The following H4C11 variants were observed in gnomAD, a reference collection of about 807,000 sequenced individuals.
The protein encoded by H4C11 is H4 clustered histone 11.
A neutral mutation model predicts 4.2 loss-of-function variants in H4C11; 1 was observed. That is an observed-to-expected ratio of 0.24 (90% CI 0.09 to 1.14). The LOEUF (loss-of-function observed/expected upper bound fraction) is 1.14, where lower values mean the gene tolerates loss of function less well. H4C11 is among the 50% of genes most tolerant of loss of function. H4C11 has a pLI of 0.52. For missense variants in H4C11, 73 were observed against 157.7 expected, an observed-to-expected ratio of 0.46 and a Z score of 2.88; for synonymous variants, 95 against 66.9, an observed-to-expected ratio of 1.42 and a Z score of -2.05.
chr6:27,824,454 T>C lies in H4C11; in HGVS notation c.*18T>C, dbSNP rs2277104. The C allele has an allele frequency of 0.016, 26,463 of 1,606,996 alleles. 651 individuals carry two copies. The highest frequency in any genetic ancestry group is 0.087 in the East Asian group (3,882 of 44,768). On this transcript the variant is annotated 3_prime_UTR_variant, in exon 1 of 1. Transcript: ENST00000355057. ...GTGGTTGAGCGTCCCTTTCTATCAA[T>C]AAAAGGCCCTTTTCAGGGCCACCCT...
chr6:27,824,385 G>C lies in H4C11; in HGVS notation c.261G>C (p.Val87=). ...GCAAGACGGTCACCGCCATGGATGT[G>C]GTCTACGCGCTCAAGCGCCAGGGCC... ...AKRKTVTAMD[V]VYALKRQGRT... Residue 87 remains valine, a synonymous_variant, in exon 1 of 1, where the codon GTG becomes GTC. Transcript: ENST00000355057. The C allele has an allele frequency of 1.3e-6, 2 of 1,545,830 alleles. No homozygotes were observed. The highest frequency in any genetic ancestry group is 1.7e-6 in the Non-Finnish European group (2 of 1,154,782).
Position 27,824,178 on chromosome 6 carries a change from C to T in H4C11, c.54C>T (p.Arg18=), listed in dbSNP as rs751583500. 7 of 1,517,230 alleles carry T rather than the reference C, an allele frequency of 4.6e-6. No individual in the cohort carries two copies. Among genetic ancestry groups the T allele is most frequent in the South Asian group, 1.3e-5 (1 of 75,066 alleles). The allele number at this position is 1,517,230 out of a possible 1,614,324, so 94.0% of individuals were successfully genotyped here. A position where few individuals can be genotyped will look rare whatever the true frequency, so the allele number is the denominator to read the frequency against. ...GTCTTGGCAAAGGCGGCGCTAAGCGCCACCGTAAAGTACTGCGCGACAATA... is the reference window on the plus strand; with the variant it reads ...GTCTTGGCAAAGGCGGCGCTAAGCGTCACCGTAAAGTACTGCGCGACAATA... ...GKGLGKGGAK[R]HRKVLRDNIQ... The change falls in exon 1 of 1, where the codon CGC becomes CGT. Residue 18 remains arginine (R), a synonymous_variant. Coordinates refer to ENST00000355057, the MANE Select transcript of H4C11 (RefSeq NM_021968.4).
rs201140587 is a variant in H4C11 at position 27,824,169 on chromosome 6, C to G, written c.45C>G (p.Gly15=). 2.0e-6 allele frequency: 3 copies of G among 1,515,300 alleles called. No homozygotes were observed. The highest frequency in any genetic ancestry group is 2.8e-5 in the African/African-American group (2 of 70,918). The allele number at this position is 1,515,300 out of a possible 1,614,324, so 93.9% of individuals were successfully genotyped here. The change falls in exon 1 of 1, where the codon GGC becomes GGG. Residue 15 remains glycine (G), a synonymous_variant. Transcript: ENST00000355057. ...GCGGGAAGGGTCTTGGCAAAGGCGGCGCTAAGCGCCACCGTAAAGTACTGC... is the reference window on the plus strand; with the variant it reads ...GCGGGAAGGGTCTTGGCAAAGGCGGGGCTAAGCGCCACCGTAAAGTACTGC... ...GKGGKGLGKG[G]AKRHRKVLRD...
At position 27,824,175 on chromosome 6, in the gene H4C11, G is replaced by A. The variant is rs764287610; in HGVS notation, c.51G>A (p.Lys17=). ...GGKGLGKGGA[K]RHRKVLRDNI... is the part of the protein sequence containing the mutation. Reference sequence around the variant, plus strand: ...AGGGTCTTGGCAAAGGCGGCGCTAAGCGCCACCGTAAAGTACTGCGCGACA... The same window carrying A: ...AGGGTCTTGGCAAAGGCGGCGCTAAACGCCACCGTAAAGTACTGCGCGACA... Residue 17 remains lysine, a synonymous_variant, in exon 1 of 1, where the codon AAG becomes AAA. Coordinates refer to ENST00000355057, the MANE Select transcript of H4C11 (RefSeq NM_021968.4). 5.9e-6 allele frequency: 9 copies of A among 1,516,728 alleles called. No homozygotes were observed. Among genetic ancestry groups the A allele is most frequent in the African/African-American group, 1.4e-5 (1 of 70,848 alleles). The allele number at this position is 1,516,728 out of a possible 1,614,324, so 94.0% of individuals were successfully genotyped here. A position where few individuals can be genotyped will look rare whatever the true frequency, so the allele number is the denominator to read the frequency against.
In H4C11 at chr6:27,824,238, T is replaced by C. The variant is rs1427137211; in HGVS notation, c.114T>C (p.Leu38=). Residue 38 remains leucine (L), a synonymous_variant, in exon 1 of 1, where the codon CTT becomes CTC. Transcript: ENST00000355057. ...QGITKPAIRR[L]ARRGGVKRIS... ...TCACCAAGCCGGCCATCCGGCGCCTTGCTCGCCGCGGCGGCGTGAAGCGCA... is the reference window on the plus strand; with the variant it reads ...TCACCAAGCCGGCCATCCGGCGCCTCGCTCGCCGCGGCGGCGTGAAGCGCA... The C allele has an allele frequency of 3.2e-6, 5 of 1,574,484 alleles. No individual in the cohort carries two copies. In the Admixed American group the frequency reaches 5.5e-5, roughly 17 times the overall value.
chr6:27,824,292 C>T lies in H4C11; in HGVS notation c.168C>T (p.Arg56=), dbSNP rs1201056191. ...CCGGCCTCATCTACGAGGAGACTCG[C>T]GGGGTGCTGAAGGTGTTCCTGGAGA... ...RISGLIYEET[R]GVLKVFLENV... is the part of the protein sequence containing the mutation. Residue 56 remains arginine, a synonymous_variant, in exon 1 of 1, where the codon CGC becomes CGT. Coordinates refer to ENST00000355057, the MANE Select transcript of H4C11 (RefSeq NM_021968.4). The T allele has an allele frequency of 3.8e-6, 6 of 1,590,492 alleles. No individual in the cohort carries two copies. The highest frequency in any genetic ancestry group is 1.4e-5 in the African/African-American group (1 of 73,812).
rs1371471833 is a variant in H4C11 at position 27,824,457 on chromosome 6, A to G, written c.*21A>G. 1.9e-6 allele frequency: 3 copies of G among 1,607,530 alleles called. No homozygotes were observed. The highest frequency in any genetic ancestry group is 2.2e-5 in the East Asian group (1 of 44,808). ...GTTGAGCGTCCCTTTCTATCAATAAAAGGCCCTTTTCAGGGCCACCCTACT... is the reference window on the plus strand; with the variant it reads ...GTTGAGCGTCCCTTTCTATCAATAAGAGGCCCTTTTCAGGGCCACCCTACT... On this transcript the variant is annotated 3_prime_UTR_variant, in exon 1 of 1. Coordinates refer to ENST00000355057, the MANE Select transcript of H4C11 (RefSeq NM_021968.4).
At chr6:27,824,471 G>GGCCACCCTACTTTCTCA in exon 1 of H4C11, 1 of 1,600,850 alleles carries the variant, frequency 6.2e-7, no homozygotes, top group Admixed American at 1.8e-5. Flanking sequence ...CCCTTTTCAG[G>GGCCACCCTACTTTCTCA]GCCACCCTAC....
rs543724783 is a variant in H4C11, at chr6:27,824,373, C to T, written c.249C>T (p.Thr83=). 29 of 1,550,360 alleles carry T rather than the reference C, an allele frequency of 1.9e-5. No homozygotes were observed. The highest frequency in any genetic ancestry group is 3.8e-5 in the South Asian group (3 of 78,226). The change falls in exon 1 of 1, where the codon ACC becomes ACT. Residue 83 remains threonine, a synonymous_variant. Coordinates refer to ENST00000355057, the MANE Select transcript of H4C11 (RefSeq NM_021968.4). ...AGCACGCCAAGCGCAAGACGGTCAC[C>T]GCCATGGATGTGGTCTACGCGCTCA... The part of the protein sequence containing the change: ...YTEHAKRKTV[T]AMDVVYALKR...
rs768450749 is a variant in H4C11, at chr6:27,824,318, A to G, written c.194A>G (p.Asn65Ser). 1 of 1,593,826 alleles carries G rather than the reference A, an allele frequency of 6.3e-7. No individual in the cohort carries two copies. The highest frequency in any genetic ancestry group is 8.6e-7 in the Non-Finnish European group (1 of 1,168,594). The change falls in exon 1 of 1, where the codon AAC becomes AGC. Residue 65 changes from asparagine (N) to serine (S), a missense_variant. By Grantham distance (46) the Asn-to-Ser change is conservative (BLOSUM62 1). Around this residue, in one of 4 missense-constraint regions of H4C11, gnomAD observed 40 missense variants for 78.3 expected, o/e 0.51. Transcript: ENST00000355057. ...TRGVLKVFLE[N>S]VIRDAVTYTE... ...GGGGTGCTGAAGGTGTTCCTGGAGAACGTGATCCGGGACGCCGTGACCTAT... is the reference window on the plus strand; with the variant it reads ...GGGGTGCTGAAGGTGTTCCTGGAGAGCGTGATCCGGGACGCCGTGACCTAT...
rs1165452243 is a variant in H4C11 at position 27,824,449 on chromosome 6, A to G, written c.*13A>G. 2.5e-6 allele frequency: 4 copies of G among 1,607,356 alleles called. No individual in the cohort carries two copies. Among genetic ancestry groups the G allele is most frequent in the South Asian group, 1.1e-5 (1 of 90,508 alleles). ...TTTCGGTGGTTGAGCGTCCCTTTCT[A>G]TCAATAAAAGGCCCTTTTCAGGGCC... On this transcript the variant is annotated 3_prime_UTR_variant, in exon 1 of 1. Coordinates refer to ENST00000355057, the MANE Select transcript of H4C11 (RefSeq NM_021968.4).
In H4C11 at chr6:27,824,403, C is replaced by T; in HGVS notation, c.279C>T (p.Arg93=). 6.3e-7 allele frequency: 1 copy of T among 1,579,344 alleles called. No homozygotes were observed. Among genetic ancestry groups the T allele is most frequent in the Non-Finnish European group, 8.6e-7 (1 of 1,167,808 alleles). The part of the protein sequence containing the change: ...TAMDVVYALK[R]QGRTLYGFGG ...TGGATGTGGTCTACGCGCTCAAGCGCCAGGGCCGCACCCTCTACGGTTTCG... is the reference window on the plus strand; with the variant it reads ...TGGATGTGGTCTACGCGCTCAAGCGTCAGGGCCGCACCCTCTACGGTTTCG... Residue 93 remains arginine (R), a synonymous_variant, in exon 1 of 1, where the codon CGC becomes CGT. Transcript: ENST00000355057.
In H4C11 at chr6:27,824,111, T is replaced by A. The variant is rs1215600388; in HGVS notation, c.-14T>A. 1 of 1,542,644 alleles carries A rather than the reference T, an allele frequency of 6.5e-7. No homozygotes were observed. The highest frequency in any genetic ancestry group is 8.8e-7 in the Non-Finnish European group (1 of 1,141,646). ...GGCCTCACAAAGCGTTGGGTGAGACTCCTCTTGCTCGTCATGTCTGGCCGC... is the reference window on the plus strand; with the variant it reads ...GGCCTCACAAAGCGTTGGGTGAGACACCTCTTGCTCGTCATGTCTGGCCGC... On this transcript the variant is annotated 5_prime_UTR_variant, in exon 1 of 1. Coordinates refer to ENST00000355057, the MANE Select transcript of H4C11 (RefSeq NM_021968.4).
Position 27,824,108 on chromosome 6 carries a change from G to A in H4C11, c.-17G>A. The A allele has an allele frequency of 6.5e-7, 1 of 1,542,396 alleles. No homozygotes were observed. Among genetic ancestry groups the A allele is most frequent in the East Asian group, 2.3e-5 (1 of 44,244 alleles). ...AGAGGCCTCACAAAGCGTTGGGTGAGACTCCTCTTGCTCGTCATGTCTGGC... is the reference window on the plus strand; with the variant it reads ...AGAGGCCTCACAAAGCGTTGGGTGAAACTCCTCTTGCTCGTCATGTCTGGC... On this transcript the variant is annotated 5_prime_UTR_variant, in exon 1 of 1. Transcript: ENST00000355057.
chr6:27,824,409 C>G lies in H4C11; in HGVS notation c.285C>G (p.Gly95=), dbSNP rs779554897. The G allele has an allele frequency of 9.5e-6, 15 of 1,586,380 alleles. No homozygotes were observed. In the Middle Eastern group the frequency reaches 8.5e-4, roughly 90 times the overall value. ...MDVVYALKRQ[G]RTLYGFGG ...TGGTCTACGCGCTCAAGCGCCAGGG[C>G]CGCACCCTCTACGGTTTCGGTGGTT... Residue 95 remains glycine, a synonymous_variant, in exon 1 of 1, where the codon GGC becomes GGG. Coordinates refer to ENST00000355057, the MANE Select transcript of H4C11 (RefSeq NM_021968.4).
rs776758314 is a variant in H4C11, at chr6:27,824,437, G to A, written c.*1G>A. 3 of 1,605,670 alleles carry A rather than the reference G, an allele frequency of 1.9e-6. No individual in the cohort carries two copies. Among genetic ancestry groups the A allele is most frequent in the South Asian group, 1.1e-5 (1 of 90,152 alleles). On this transcript the variant is annotated 3_prime_UTR_variant, in exon 1 of 1. Transcript: ENST00000355057. ...CACCCTCTACGGTTTCGGTGGTTGA[G>A]CGTCCCTTTCTATCAATAAAAGGCC...
chr6:27,824,286 G>A lies in H4C11; in HGVS notation c.162G>A (p.Glu54=). ...VKRISGLIYE[E]TRGVLKVFLE... ...GCATCTCCGGCCTCATCTACGAGGA[G>A]ACTCGCGGGGTGCTGAAGGTGTTCC... The change falls in exon 1 of 1, where the codon GAG becomes GAA. Residue 54 remains glutamate (E), a synonymous_variant. Coordinates refer to ENST00000355057, the MANE Select transcript of H4C11 (RefSeq NM_021968.4). 3 of 1,589,956 alleles carry A rather than the reference G, an allele frequency of 1.9e-6. No homozygotes were observed. Among genetic ancestry groups the A allele is most frequent in the East Asian group, 4.5e-5 (2 of 44,534 alleles).
rs764517642 is a variant in H4C11, at chr6:27,824,442, C to G, written c.*6C>G. ...TCTACGGTTTCGGTGGTTGAGCGTC[C>G]CTTTCTATCAATAAAAGGCCCTTTT... On this transcript the variant is annotated 3_prime_UTR_variant, in exon 1 of 1. Transcript: ENST00000355057. 2 of 1,607,340 alleles carry G rather than the reference C, an allele frequency of 1.2e-6. No homozygotes were observed. Among genetic ancestry groups the G allele is most frequent in the Non-Finnish European group, 1.7e-6 (2 of 1,177,690 alleles).
chr6:27,824,158 G>A lies in H4C11; in HGVS notation c.34G>A (p.Gly12Ser). ...SGRGKGGKGL[G>S]KGGAKRHRKV... ...CCGCGGCAAAGGCGGGAAGGGTCTT[G>A]GCAAAGGCGGCGCTAAGCGCCACCG... The change falls in exon 1 of 1, where the codon GGC (glycine) becomes AGC (serine). Residue 12 changes from glycine (G) to serine (S), a missense_variant. Physicochemically the swap from Gly to Ser is moderately conservative, Grantham distance 56. Coordinates refer to ENST00000355057, the MANE Select transcript of H4C11 (RefSeq NM_021968.4). The A allele has an allele frequency of 2.6e-6, 4 of 1,520,864 alleles. No homozygotes were observed. Among genetic ancestry groups the A allele is most frequent in the Non-Finnish European group, 3.5e-6 (4 of 1,138,492 alleles). The allele number at this position is 1,520,864 out of a possible 1,614,324, so 94.2% of individuals were successfully genotyped here. A position where few individuals can be genotyped will look rare whatever the true frequency, so the allele number is the denominator to read the frequency against.
Sources: allele counts gnomAD v4.1 joint callset, GRCh38; gene constraint gnomAD v4.1.1; regional missense constraint gnomAD v4.1.1; transcripts MANE v1.5; gene names NCBI Gene and HGNC (gene_info 2026-07-23, HGNC 2026-07-21).